Variants in CHD2 observed in about 807,000 individuals in gnomAD.
CHD2 encodes the protein ATP-dependent chromatin remodeler CHD2.
CHD2 carries 28 observed loss-of-function variants against 243.9 expected under a neutral mutation model. The observed-to-expected ratio is 0.11, with a 90% CI of 0.09 to 0.16. CHD2 has a LOEUF of 0.16. Ranked by LOEUF, CHD2 falls within the 10% of genes least tolerant of loss-of-function variation. The pLI is 1.00. For missense variants in CHD2, 1,386 were observed against 2,209.8 expected, an observed-to-expected ratio of 0.63 and a Z score of 7.47; for synonymous variants, 775 against 779.0, an observed-to-expected ratio of 0.99 and a Z score of 0.09.
At chr15:92,911,064 TA>T (rs2052725346) in intron 2 of CHD2, among the ~76,000 whole-genome samples, 3 of 152,224 alleles carry the variant, frequency 2.0e-5, no homozygotes, top group Non-Finnish European at 4.4e-5. Flanking sequence ...ATCACTGTTG[TA>T]TATGACACCA....
chr15:92,965,593 A>AAAAAC (rs1567144593), intron 16 of CHD2, among the ~76,000 whole-genome samples: 3 of 135,294 alleles, frequency 2.2e-5, no homozygotes, highest in African/African-American at 5.3e-5. Context: ...AAAAAAAAAA[A>AAAAAC]AACCAACTCA....
At chr15:92,938,571 T>C (rs1437797221) in intron 6 of CHD2, among the ~76,000 whole-genome samples, 2 of 152,216 alleles carry the variant, frequency 1.3e-5, no homozygotes, top group African/African-American at 2.4e-5. Context: ...AATTTTATCT[T>C]ATTTTATCTC....
chr15:92,953,256 G>C (rs2053577435), intron 13 of CHD2, 101 bp from the exon 14 acceptor site: 2 of 851,058 alleles, frequency 2.4e-6, no homozygotes, highest in Non-Finnish European at 3.8e-6. Context: ...CACCTTGCTT[G>C]GCTGTTATTG....
chr15:92,922,414 C>G (rs1402512090), intron 2 of CHD2, among the ~76,000 whole-genome samples: 4 of 152,106 alleles, frequency 2.6e-5, no homozygotes, highest in Non-Finnish European at 5.9e-5. Context: ...TCCCCACTTC[C>G]CAGTATTGAG....
intron 6 of CHD2, among the ~76,000 whole-genome samples, chr15:92,938,149 C>G (rs1469746529): frequency 6.6e-6 from 1 of 152,172 alleles, no homozygotes; most frequent in Non-Finnish European, 1.5e-5. Flanking sequence ...ATGGACTCAG[C>G]AAACTATGCC....
chr15:93,004,802 G>A (rs1465372944), intron 34 of CHD2, 51 bp downstream of exon 34: 13 of 1,586,990 alleles, frequency 8.2e-6, no homozygotes, highest in Non-Finnish European at 1.1e-5. Flanking sequence ...GGTACTTGCT[G>A]TGGCTCTGCC....
Position 92,916,490 on chromosome 15 carries a change from C to T in CHD2, c.63-7831C>T, listed in dbSNP as rs117263209. 7.6e-3 allele frequency among the ~76,000 whole-genome samples: 1,158 copies of T among 152,314 alleles called. 9 individuals carry two copies. Among genetic ancestry groups the T allele is most frequent in the Middle Eastern group, 0.041 (12 of 294 alleles). On this transcript the variant is annotated intron_variant, in intron 2 of 38. Transcript: ENST00000394196. ...CAGAGCTCTGAATATTTATTTGCCT[C>T]GTCCTATACAAGTTTGATAATTTGT...
intron 2 of CHD2, chr15:92,905,003 ACT>A: frequency 6.5e-6 from 10 of 1,535,870 alleles, no homozygotes; most frequent in Non-Finnish European, 8.7e-6. Context: ...ATGGAGAAAA[ACT>A]CAGGTCAGTA....
At chr15:92,970,308 T>A (rs924552548) in intron 17 of CHD2, among the ~76,000 whole-genome samples, 2 of 152,074 alleles carry the variant, frequency 1.3e-5, no homozygotes. Flanking sequence ...TTCAAGTGAT[T>A]CTCCTGCCTC....
chr15:93,012,609 GAGCC>G (rs2054406679), intron 36 of CHD2, among the ~76,000 whole-genome samples, 165 bp downstream of exon 36: 1 of 152,210 alleles, frequency 6.6e-6, no homozygotes, highest in African/African-American at 2.4e-5. Flanking sequence ...CAATGTATTG[GAGCC>G]TAACATGGTT....
At chr15:93,000,772 C>T (rs560359809) in intron 32 of CHD2, 132 bp downstream of exon 32, 44 of 988,746 alleles carry the variant, frequency 4.5e-5, no homozygotes, top group African/African-American at 1.5e-4. Context: ...TGTAAGTCTT[C>T]GCTTAATCTG....
intron 2 of CHD2, chr15:92,901,568 T>C: frequency 2.2e-6 from 1 of 459,356 alleles, no homozygotes; most frequent in Non-Finnish European, 3.8e-6. Context: ...TTTACTGTAA[T>C]GTACAGTTTT....
rs1483870347 is a variant in CHD2, at chr15:93,025,813, C to G, written c.*1108C>G. The G allele has an allele frequency of 6.6e-6, 1 of 152,118 alleles. No homozygotes were observed. Among genetic ancestry groups the G allele is most frequent in the African/African-American group, 2.4e-5 (1 of 41,398 alleles). The allele number at this position is 152,118 out of a possible 1,614,324, so 9.4% of individuals were successfully genotyped here. ...CAACACTTCCTGCTGCATTTCCTTC[C>G]CTTTGCACAGCTTGAAGAAATAGAG... is the stretch of plus-strand genomic sequence containing the variant. On this transcript the variant is annotated 3_prime_UTR_variant, in exon 39 of 39. Transcript: ENST00000394196.
chr15:93,020,637 G>T, intron 38 of CHD2: 1 of 384,842 alleles, frequency 2.6e-6, no homozygotes, highest in South Asian at 4.6e-5. Context: ...GCCCATAATT[G>T]AAGAGTCAAA....
At chr15:92,910,474 C>G (rs2052711403) in intron 2 of CHD2, among the ~76,000 whole-genome samples, 1 of 152,078 alleles carries the variant, frequency 6.6e-6, no homozygotes, top group African/African-American at 2.4e-5. Flanking sequence ...CTCATTGCAA[C>G]CTCCGCCTCC....
At chr15:92,922,700 G>T (rs968729743) in intron 2 of CHD2, among the ~76,000 whole-genome samples, 1 of 152,034 alleles carries the variant, frequency 6.6e-6, no homozygotes, top group Non-Finnish European at 1.5e-5. Context: ...GTTTTTCCTT[G>T]CCCCCCTCAG....
Position 93,009,304 on chromosome 15 carries a change from C to G in CHD2, c.4573C>G (p.His1525Asp), listed in dbSNP as rs2141881675. The change falls in exon 35 of 39, where the codon CAC becomes GAC. Residue 1525 changes from histidine (H) to aspartate (D), a missense_variant. Coordinates refer to ENST00000394196, the MANE Select transcript of CHD2 (RefSeq NM_001271.4). ...CCTTAAAGCCTACTCAGATCAGGAG[C>G]ACATCAAACTCTGGAGGAGGTAACC... The part of the protein sequence containing the change: ...ECLKAYSDQE[H>D]IKLWRRNLWI... 1 of 1,614,126 alleles carries G rather than the reference C, an allele frequency of 6.2e-7. No homozygotes were observed. The highest frequency in any genetic ancestry group is 1.3e-5 in the African/African-American group (1 of 75,056).
intron 16 of CHD2, among the ~76,000 whole-genome samples, chr15:92,966,803 G>A (rs1344042321): frequency 1.3e-5 from 2 of 152,012 alleles, no homozygotes; most frequent in African/African-American, 2.4e-5. Flanking sequence ...CCAGCTACTT[G>A]GGAGGCTGAG....
In CHD2 at chr15:92,964,551, G is replaced by A. The variant is rs2053730893; in HGVS notation, c.2001-2774G>A. Among the ~76,000 whole-genome samples the A allele has an allele frequency of 2.6e-5, 4 of 152,156 alleles. No individual in the cohort carries two copies. In the South Asian group the frequency reaches 8.3e-4, roughly 31 times the overall value. ...GGAACTTCCCCACTCAAATGTTACA[G>A]GCTATTGTTTCAAAATCCAAAAGTT... On this transcript the variant is annotated intron_variant, in intron 16 of 38. Transcript: ENST00000394196.
Sources: allele counts gnomAD v4.1 joint callset (sites outside exome capture counted in the v4.1 genomes callset), GRCh38; gene constraint gnomAD v4.1.1; transcripts MANE v1.5; gene names NCBI Gene and HGNC (gene_info 2026-07-23, HGNC 2026-07-21).